CCSER1: variants seen among roughly 807,000 people sequenced by gnomAD.
The protein encoded by CCSER1 is serine-rich coiled-coil domain-containing protein 1.
CCSER1 carries 41 observed loss-of-function variants against 82.0 expected under a neutral mutation model. The observed-to-expected ratio is 0.50, with a 90% CI of 0.39 to 0.65. CCSER1 has a LOEUF of 0.65. CCSER1 is among the 30% of genes least tolerant of loss of function. The pLI, the probability that CCSER1 is intolerant of heterozygous loss-of-function variation, is 0.00. For synonymous variants in CCSER1, 414 were observed against 383.9 expected (o/e 1.08, Z -0.92); for missense variants, 1,119 against 1,064.2 (o/e 1.05, Z -0.72).
At chr4:90,948,426 A>G (rs1208595722) in intron 9 of CCSER1, among the ~76,000 whole-genome samples, 1 of 151,828 alleles carries the variant, frequency 6.6e-6, no homozygotes, top group African/African-American at 2.4e-5. Context: ...TTAGAGATAC[A>G]TATTTTCTTG....
At chr4:90,520,846 G>A (rs1183531125) in intron 5 of CCSER1, among the ~76,000 whole-genome samples, 4 of 152,178 alleles carry the variant, frequency 2.6e-5, no homozygotes, top group Non-Finnish European at 5.9e-5. Context: ...AGGATGGCAG[G>A]AGGATGGCTT....
rs546591311 is a variant in CCSER1 at position 90,998,813 on chromosome 4, A to G, written c.2172+75366A>G. Among the ~76,000 whole-genome samples, 3 of 151,988 alleles carry G rather than the reference A, an allele frequency of 2.0e-5. No homozygotes were observed. In the East Asian group the frequency reaches 5.8e-4, roughly 29 times the overall value. On this transcript the variant is annotated intron_variant, in intron 9 of 10. Coordinates refer to ENST00000509176, the MANE Select transcript of CCSER1 (RefSeq NM_001145065.2). ...ATTGCATGATGCTGAGGTTTGGGGT[A>G]TGAATGATCCCATCACCCAGGTATG...
chr4:90,384,981 T>C, intron 3 of CCSER1, among the ~76,000 whole-genome samples: 1 of 152,118 alleles, frequency 6.6e-6, no homozygotes, highest in Non-Finnish European at 1.5e-5. Context: ...GAGAATATGC[T>C]GTATTTGGTT....
At chr4:91,062,324 C>T (rs559492431) in intron 9 of CCSER1, among the ~76,000 whole-genome samples, 11 of 152,128 alleles carry the variant, frequency 7.2e-5, no homozygotes, top group South Asian at 2.1e-4. Flanking sequence ...TATCCTGCAG[C>T]GTGTATCATT....
chr4:91,097,014 A>G (rs553381136), intron 10 of CCSER1, among the ~76,000 whole-genome samples: 2 of 152,292 alleles, frequency 1.3e-5, no homozygotes, highest in African/African-American at 4.8e-5. Flanking sequence ...TTTCAAAGAC[A>G]TGTCTTACCA....
chr4:90,129,304 G>A (rs747932968), intron 1 of CCSER1, among the ~76,000 whole-genome samples: 1 of 152,308 alleles, frequency 6.6e-6, no homozygotes. Flanking sequence ...TAAAATACTG[G>A]TAATCTAGGC....
chr4:91,553,858 C>A (rs1588984), intron 10 of CCSER1, among the ~76,000 whole-genome samples: 100,589 of 149,472 alleles, frequency 0.67, 34,624 homozygotes, highest in African/African-American at 0.8. Flanking sequence ...TTAAAAAAAA[C>A]CAATATATTT....
intron 4 of CCSER1, among the ~76,000 whole-genome samples, chr4:90,460,784 T>C (rs1186626801): frequency 6.6e-6 from 1 of 152,166 alleles, no homozygotes; most frequent in Admixed American, 6.6e-5. Context: ...CACCCATCTG[T>C]ACTGTGGCTG....
chr4:91,060,260 A>T (rs1283060298), intron 9 of CCSER1, among the ~76,000 whole-genome samples: 1 of 152,096 alleles, frequency 6.6e-6, no homozygotes, highest in African/African-American at 2.4e-5. Flanking sequence ...GACATTATCA[A>T]GTGTAGCTAA....
chr4:90,744,338 G>A (rs939405481), intron 7 of CCSER1, among the ~76,000 whole-genome samples: 2 of 152,142 alleles, frequency 1.3e-5, no homozygotes, highest in African/African-American at 4.8e-5. Context: ...GTCAAAAATT[G>A]AGCAAGTAAT....
chr4:91,176,931 A>G (rs950785072), intron 10 of CCSER1, among the ~76,000 whole-genome samples: 21 of 152,144 alleles, frequency 1.4e-4, no homozygotes, highest in Admixed American at 2.0e-4. Flanking sequence ...GTTTTTGCCT[A>G]TTTAGTATGA....
chr4:91,330,506 CA>C (rs11332139), intron 10 of CCSER1, among the ~76,000 whole-genome samples: 116,714 of 151,950 alleles, frequency 0.77, 45,296 homozygotes, highest in East Asian at 0.89. Context: ...TATTACCCCT[CA>C]AAAACATTAA....
At chr4:90,445,204 G>C (rs1760476777) in intron 4 of CCSER1, among the ~76,000 whole-genome samples, 1 of 151,996 alleles carries the variant, frequency 6.6e-6, no homozygotes, top group Non-Finnish European at 1.5e-5. Context: ...TCATGAAATT[G>C]GAACTACTCA....
intron 5 of CCSER1, among the ~76,000 whole-genome samples, chr4:90,571,960 C>T (rs1019104016): frequency 5.9e-5 from 9 of 152,028 alleles, no homozygotes; most frequent in African/African-American, 2.2e-4. Flanking sequence ...TGTGTACTTA[C>T]TTGTACCAGT....
intron 4 of CCSER1, among the ~76,000 whole-genome samples, chr4:90,407,014 G>A (rs1419805318): frequency 1.3e-5 from 2 of 151,942 alleles, no homozygotes; most frequent in African/African-American, 4.8e-5. Context: ...ATTCAGAGCA[G>A]AACTAAATGA....
intron 10 of CCSER1, among the ~76,000 whole-genome samples, chr4:91,524,596 G>A (rs547674494): frequency 7.2e-5 from 11 of 152,156 alleles, no homozygotes; most frequent in Admixed American, 2.6e-4. Flanking sequence ...CCTAATGGTC[G>A]TGCCTACTGG....
chr4:91,426,159 T>C (rs138528202), intron 10 of CCSER1, among the ~76,000 whole-genome samples: 2,697 of 152,270 alleles, frequency 0.018, 58 homozygotes, highest in African/African-American at 0.06. Flanking sequence ...GTTCTTGTGA[T>C]AGTTTGCTGA....
chr4:91,415,335 C>T (rs1312156870), intron 10 of CCSER1, among the ~76,000 whole-genome samples: 1 of 152,040 alleles, frequency 6.6e-6, no homozygotes, highest in Non-Finnish European at 1.5e-5. Flanking sequence ...GTTTTCTAGA[C>T]ATGGAATCAT....
intron 10 of CCSER1, among the ~76,000 whole-genome samples, chr4:91,469,495 A>C (rs1174672097): frequency 6.6e-6 from 1 of 152,180 alleles, no homozygotes; most frequent in Admixed American, 6.5e-5. Context: ...GGCACCCCAA[A>C]ACTAGCAAGT....
Sources: gnomAD v4.1 joint callset for allele counts (sites outside exome capture counted in the v4.1 genomes callset) on GRCh38, gnomAD v4.1.1 for gene constraint, MANE v1.5 for transcripts, NCBI Gene and HGNC (gene_info 2026-07-23, HGNC 2026-07-21) for gene names.